The following AHRR variants were observed in gnomAD, a reference collection of about 807,000 sequenced individuals.
AHRR encodes the protein aryl hydrocarbon receptor repressor.
A neutral mutation model predicts 44.0 loss-of-function variants in AHRR; 28 were observed. The observed-to-expected ratio is 0.64, with a 90% CI of 0.47 to 0.87. The LOEUF is 0.87. Ranked by LOEUF, AHRR falls within the 40% of genes least tolerant of loss-of-function variation. The probability of loss-of-function intolerance (pLI) is 0.00; values close to 1 mark genes in which losing one functional copy is unlikely to be tolerated. For missense variants in AHRR, 990 were observed against 953.9 expected (o/e 1.04, Z -0.50); for synonymous variants, 434 against 407.0 (o/e 1.07, Z -0.80).
chr5:398,084 AGCCCCT>A (rs1734830577), intron 4 of AHRR, among the ~76,000 whole-genome samples: 1 of 134,466 alleles, frequency 7.4e-6, no homozygotes, highest in African/African-American at 2.8e-5. Context: ...CCATCCACGT[AGCCCCT>A]GACCATCCAC....
rs1199154804 is a variant in AHRR at position 370,644 on chromosome 5, G to A, written c.245-5966G>A. ...TGGGGTGGACAGCCCATGGGAAGGT[G>A]TGGGTGATGGGGGGACAGTCCATGG... On this transcript the variant is annotated intron_variant, in intron 3 of 10. Transcript: ENST00000684583. This position sits in a 1 kb window ranked among gnomAD's most constrained non-coding sequence, Gnocchi z 4.5. Among the ~76,000 whole-genome samples, 2 of 152,060 alleles carry A rather than the reference G, an allele frequency of 1.3e-5. No homozygotes were observed. Among genetic ancestry groups the A allele is most frequent in the South Asian group, 4.2e-4 (2 of 4,816 alleles).
intron 4 of AHRR, among the ~76,000 whole-genome samples, chr5:386,789 C>G (rs1321797817): frequency 2.0e-5 from 3 of 152,104 alleles, no homozygotes; most frequent in Non-Finnish European, 2.9e-5. Context: ...CACCTGTGCC[C>G]TGAGGCTCTG....
At chr5:399,133 T>A (rs1170160145) in intron 4 of AHRR, among the ~76,000 whole-genome samples, 1 of 152,212 alleles carries the variant, frequency 6.6e-6, no homozygotes, top group African/African-American at 2.4e-5. Flanking sequence ...CTCCTGGGTG[T>A]GGAGCCGCAG....
chr5:431,439 G>T (rs572886960), intron 8 of AHRR, among the ~76,000 whole-genome samples: 1 of 152,222 alleles, frequency 6.6e-6, no homozygotes, highest in African/African-American at 2.4e-5. Context: ...TCCCCACCCT[G>T]CTCTGAGCTG....
chr5:408,610 C>CATCAATATTCAAATCTG (rs1324947045), intron 4 of AHRR, among the ~76,000 whole-genome samples: 1 of 152,152 alleles, frequency 6.6e-6, no homozygotes, highest in Non-Finnish European at 1.5e-5. Flanking sequence ...AGCACATTTG[C>CATCAATATTCAAATCTG]ATCAATATTC....
chr5:407,759 G>A (rs561266508), intron 4 of AHRR, among the ~76,000 whole-genome samples: 2 of 152,286 alleles, frequency 1.3e-5, no homozygotes, highest in South Asian at 2.1e-4. Context: ...GGCTGGTCTC[G>A]AACTCCTGAC....
chr5:361,936 G>C (rs958025392), intron 3 of AHRR, among the ~76,000 whole-genome samples: 1 of 152,234 alleles, frequency 6.6e-6, no homozygotes, highest in Admixed American at 6.5e-5. Context: ...TTGGGATGGA[G>C]TTAATGTATT....
At chr5:372,582 C>G (rs1743615707) in intron 3 of AHRR, among the ~76,000 whole-genome samples, 1 of 152,066 alleles carries the variant, frequency 6.6e-6, no homozygotes, top group African/African-American at 2.4e-5. Context: ...CAGGAAACTT[C>G]AGCCGCAGTC....
intron 2 of AHRR, among the ~76,000 whole-genome samples, chr5:350,356 C>G (rs898575164): frequency 2.0e-5 from 3 of 152,220 alleles, no homozygotes; most frequent in African/African-American, 7.2e-5. Flanking sequence ...TCTCTTTCCG[C>G]CTGAGCTGGC....
intron 3 of AHRR, among the ~76,000 whole-genome samples, chr5:360,007 G>T (rs1305791277): frequency 4.6e-5 from 7 of 152,156 alleles, no homozygotes; most frequent in Non-Finnish European, 1.0e-4. Flanking sequence ...ATCTTTTTAT[G>T]GACTGGATGT....
At chr5:343,762 G>T in intron 1 of AHRR, 131 bp from the exon 2 acceptor site, 1 of 836,428 alleles carries the variant, frequency 1.2e-6, no homozygotes, top group Non-Finnish European at 1.8e-6. Flanking sequence ...ACGAGGAGGA[G>T]CAGGAGGTGG....
chr5:413,467 A>C (rs1364424295), intron 5 of AHRR, 34 bp downstream of exon 5: 2 of 1,460,398 alleles, frequency 1.4e-6, no homozygotes, highest in East Asian at 4.5e-5. Flanking sequence ...CCAGTCTGTT[A>C]AGTGCTATGT....
At chr5:415,209 C>T (rs1735671415) in intron 5 of AHRR, among the ~76,000 whole-genome samples, 1 of 152,264 alleles carries the variant, frequency 6.6e-6, no homozygotes, top group Admixed American at 6.5e-5. Context: ...CCCTGCACTA[C>T]CCAGCACCTC....
At chr5:430,628 C>T (rs1198714066) in intron 8 of AHRR, among the ~76,000 whole-genome samples, 1 of 152,358 alleles carries the variant, frequency 6.6e-6, no homozygotes, top group South Asian at 2.1e-4. Context: ...TTCAGATAAC[C>T]GTTTAGACAG....
intron 5 of AHRR, among the ~76,000 whole-genome samples, chr5:416,885 G>GGCTTGGTCCATAT (rs1227896779): frequency 5.3e-5 from 8 of 152,020 alleles, no homozygotes; most frequent in African/African-American, 1.9e-4. Flanking sequence ...TAGAGAAGGT[G>GGCTTGGTCCATAT]GCTTGGTCCA....
In AHRR at chr5:434,504, G is replaced by A; in HGVS notation, c.1764G>A (p.Gly588=). 1 of 1,612,774 alleles carries A rather than the reference G, an allele frequency of 6.2e-7. No homozygotes were observed. The highest frequency in any genetic ancestry group is 1.3e-5 in the African/African-American group (1 of 75,036). ...SRQQVYISHL[G]HGVRGAQPHG... ...AACAGGTGTACATCTCGCACCTGGG[G>A]CACGGCGTGCGGGGGGCTCAGCCCC... The change falls in exon 11 of 11, where the codon GGG becomes GGA. Residue 588 remains glycine, a synonymous_variant. Coordinates refer to ENST00000684583, the MANE Select transcript of AHRR (RefSeq NM_001377236.1).
At position 370,099 on chromosome 5, in the gene AHRR, C is replaced by T. The variant is rs552404826; in HGVS notation, c.245-6511C>T. On this transcript the variant is annotated intron_variant, in intron 3 of 10. Transcript: ENST00000684583. The surrounding 1 kb of genome is among the most constrained non-coding windows in gnomAD (Gnocchi z 4.5). The stretch of plus-strand genomic sequence containing the variant: ...GCCCTCGCTGGAAGCCCCGTCCTCC[C>T]GGGCCCTCGCTGGAAGCCCCGTCCT... Among the ~76,000 whole-genome samples, 237 of 149,122 alleles carry T rather than the reference C, an allele frequency of 1.6e-3. No individual in the cohort carries two copies. Among genetic ancestry groups the T allele is most frequent in the Admixed American group, 3.4e-3 (51 of 15,030 alleles).
intron 1 of AHRR, among the ~76,000 whole-genome samples, chr5:331,014 C>T (rs1003831734): frequency 1.1e-4 from 16 of 151,446 alleles, no homozygotes; most frequent in African/African-American, 3.9e-4. Flanking sequence ...GTAGCTGGGA[C>T]TACAGGCGCG....
chr5:413,323 T>C (rs1277851465), intron 4 of AHRR, 21 bp from the exon 5 acceptor site: 8 of 1,552,964 alleles, frequency 5.2e-6, no homozygotes, highest in Non-Finnish European at 7.0e-6. Context: ...ATTTTTTTTT[T>C]TGTTTTGTTT....
Sources: gnomAD v4.1 joint callset for allele counts (sites outside exome capture counted in the v4.1 genomes callset) on GRCh38, gnomAD v4.1.1 for gene constraint, Gnocchi (gnomAD v3.1) non-coding constraint, MANE v1.5 for transcripts, NCBI Gene and HGNC (gene_info 2026-07-23, HGNC 2026-07-21) for gene names.